The following YWHAB variants were observed in gnomAD, a reference collection of about 807,000 sequenced individuals.
The protein encoded by YWHAB is tyrosine 3-monooxygenase/tryptophan 5-monooxygenase activation protein beta, also known as 14-3-3 protein beta/alpha.
In YWHAB, 2 loss-of-function variants were observed where a neutral mutation model predicts 28.5. The ratio of observed to expected loss-of-function variants is 0.07; its 90% confidence interval spans 0.03 to 0.22. The LOEUF is 0.22. Among genes scored for constraint, YWHAB ranks in the 10% least tolerant of loss-of-function variants. The pLI is 1.00. For synonymous variants in YWHAB, 103 were observed against 104.7 expected (o/e 0.98, Z 0.10); for missense variants, 148 against 297.1 (o/e 0.50, Z 3.69).
chr20:44,906,479 C>A lies in YWHAB; in HGVS notation c.*41C>A. The A allele has an allele frequency of 7.2e-7, 1 of 1,387,136 alleles. No individual in the cohort carries two copies. Among genetic ancestry groups the A allele is most frequent in the Non-Finnish European group, 1.0e-6 (1 of 987,486 alleles). 85.9% of individuals were successfully genotyped at this position (1,387,136 alleles called of 1,614,324 possible). A position where few individuals can be genotyped will look rare whatever the true frequency, so the allele number is the denominator to read the frequency against. On this transcript the variant is annotated 3_prime_UTR_variant, in exon 6 of 6. Transcript: ENST00000353703. ...GTGATCTGTTCAGTGTCACTCTGTA[C>A]CCTCAACATATATCCCTTGTGCGAT...
In YWHAB at chr20:44,890,500, C is replaced by CTTT. The variant is rs35619333; in HGVS notation, c.-4+4638_-4+4640dup. 2.7e-3 allele frequency among the ~76,000 whole-genome samples: 233 copies of CTTT among 86,396 alleles called. 26 individuals carry two copies. Among genetic ancestry groups the CTTT allele is most frequent in the African/African-American group, 7.4e-3 (165 of 22,420 alleles). 56.7% of individuals were successfully genotyped at this position (86,396 alleles called of 152,430 possible). On this transcript the variant is annotated intron_variant, in intron 1 of 5. Transcript: ENST00000353703. ...CCAAAGATACAAGTCTGGATTCCTA[C>CTTT]TTTTTTTTTTTTTTTTTTTTTTTTT... is the stretch of plus-strand genomic sequence containing the variant.
In YWHAB at chr20:44,899,277, A is replaced by C. The variant is rs35804302; in HGVS notation, c.-3-2254A>C. Among the ~76,000 whole-genome samples the C allele has an allele frequency of 1.8e-3, 268 of 152,338 alleles. 4 individuals carry two copies. Among genetic ancestry groups the C allele is most frequent in the Admixed American group, 0.015 (235 of 15,308 alleles). Reference sequence around the variant, plus strand: ...GCAGATCACCTGAGTTTAGGAGTTCAAGACCAGCCTGGCCAAAAATGGCAA... The same window carrying C: ...GCAGATCACCTGAGTTTAGGAGTTCCAGACCAGCCTGGCCAAAAATGGCAA... On this transcript the variant is annotated intron_variant, in intron 1 of 5. Transcript: ENST00000353703.
intron 2 of YWHAB, chr20:44,903,310 G>A (rs1302398068): frequency 2.5e-5 from 4 of 157,406 alleles, no homozygotes; most frequent in African/African-American, 9.6e-5. Context: ...GGCTCAAAGT[G>A]ATTAGGTAAT....
At chr20:44,897,450 G>T (rs537616399) in intron 1 of YWHAB, among the ~76,000 whole-genome samples, 8 of 152,266 alleles carry the variant, frequency 5.3e-5, no homozygotes, top group African/African-American at 9.6e-5. Context: ...GAAGGTTGTT[G>T]GGTCATTGAA....
At chr20:44,889,604 G>A (rs1215069603) in intron 1 of YWHAB, among the ~76,000 whole-genome samples, 2 of 152,072 alleles carry the variant, frequency 1.3e-5, no homozygotes, top group East Asian at 3.9e-4. Flanking sequence ...AAGATTGAAG[G>A]CTACAATAAA....
chr20:44,905,413 A>T (rs184163926), intron 4 of YWHAB: 1 of 291,754 alleles, frequency 3.4e-6, no homozygotes, highest in East Asian at 6.6e-5. Flanking sequence ...CCTTGGTTAT[A>T]CATTGTCATT....
intron 4 of YWHAB, chr20:44,905,699 T>G (rs1166721346): frequency 4.1e-6 from 1 of 241,686 alleles, no homozygotes; most frequent in East Asian, 8.2e-5. Context: ...TAGAAAAGTC[T>G]TTGGTAATTA....
At chr20:44,892,405 C>T (rs2066568202) in intron 1 of YWHAB, among the ~76,000 whole-genome samples, 1 of 151,866 alleles carries the variant, frequency 6.6e-6, no homozygotes, top group Non-Finnish European at 1.5e-5. Context: ...GCATTGTAAC[C>T]CTTAAACGTG....
intron 1 of YWHAB, among the ~76,000 whole-genome samples, chr20:44,898,029 G>T (rs185769413): frequency 5.9e-5 from 9 of 152,150 alleles, no homozygotes. Flanking sequence ...GGAGGCACAC[G>T]TAGGATATTC....
At chr20:44,886,964 A>G (rs1427189177) in intron 1 of YWHAB, 2 of 152,244 alleles carry the variant, frequency 1.3e-5, no homozygotes, top group Non-Finnish European at 2.9e-5. Context: ...CAGCCTCGGG[A>G]ACCAAAAGAG....
At chr20:44,886,079 C>T (rs557875801) in intron 1 of YWHAB, 193 bp downstream of exon 1, 2 of 152,404 alleles carry the variant, frequency 1.3e-5, no homozygotes, top group East Asian at 3.9e-4. Flanking sequence ...GGGCCGGGCC[C>T]TTTACCTCTT....
At chr20:44,895,078 A>G (rs538950584) in intron 1 of YWHAB, among the ~76,000 whole-genome samples, 1 of 152,394 alleles carries the variant, frequency 6.6e-6, no homozygotes, top group Admixed American at 6.5e-5. Flanking sequence ...AAGAAGTCCT[A>G]GACCATGTAA....
At chr20:44,895,665 A>T (rs2066591716) in intron 1 of YWHAB, among the ~76,000 whole-genome samples, 1 of 152,074 alleles carries the variant, frequency 6.6e-6, no homozygotes, top group Admixed American at 6.5e-5. Flanking sequence ...ACAAGGTCTT[A>T]CTATGTTGCC....
intron 1 of YWHAB, among the ~76,000 whole-genome samples, chr20:44,890,329 A>G (rs2066552958): frequency 6.6e-6 from 1 of 152,188 alleles, no homozygotes; most frequent in Non-Finnish European, 1.5e-5. Flanking sequence ...GTCTAAGACA[A>G]TAAAAACAGT....
intron 1 of YWHAB, among the ~76,000 whole-genome samples, chr20:44,891,731 A>G (rs1175124998): frequency 1.3e-5 from 2 of 152,162 alleles, no homozygotes; most frequent in African/African-American, 4.8e-5. Flanking sequence ...ATGATATGCA[A>G]CAGCTGATGT....
intron 1 of YWHAB, among the ~76,000 whole-genome samples, chr20:44,895,144 A>C (rs1418766939): frequency 6.6e-6 from 1 of 152,214 alleles, no homozygotes; most frequent in Non-Finnish European, 1.5e-5. Context: ...GGGCTAGGGC[A>C]GTCAGGGAAG....
intron 1 of YWHAB, among the ~76,000 whole-genome samples, chr20:44,900,106 T>C (rs907684786): frequency 5.9e-5 from 9 of 151,970 alleles, no homozygotes; most frequent in Non-Finnish European, 8.8e-5. Context: ...TGGAATGTAA[T>C]GGCACAGTCA....
Position 44,905,993 on chromosome 20 carries a change from T to C in YWHAB, c.589-8T>C. ...TGTGAATTCTTTGCTAAAGGCTCTT[T>C]GTTTTAGGCATTTGATGAAGCAATT... On this transcript the variant is annotated splice_polypyrimidine_tract_variant and splice_region_variant and intron_variant, in intron 4 of 5. Transcript: ENST00000353703. The C allele has an allele frequency of 6.2e-7, 1 of 1,609,770 alleles. No individual in the cohort carries two copies. The highest frequency in any genetic ancestry group is 8.5e-7 in the Non-Finnish European group (1 of 1,177,724).
chr20:44,888,954 A>G (rs898657505), intron 1 of YWHAB, among the ~76,000 whole-genome samples: 9 of 152,198 alleles, frequency 5.9e-5, no homozygotes, highest in African/African-American at 2.2e-4. Flanking sequence ...ATAGAGAGAA[A>G]CTTCTAAATT....
Sources: allele counts gnomAD v4.1 joint callset (sites outside exome capture counted in the v4.1 genomes callset), GRCh38; gene constraint gnomAD v4.1.1; transcripts MANE v1.5; gene names NCBI Gene and HGNC (gene_info 2026-07-23, HGNC 2026-07-21).